Variants in CENPQ observed in about 807,000 individuals in gnomAD.
The protein encoded by CENPQ is chromosome 6 open reading frame 139.
CENPQ carries 27 observed loss-of-function variants against 36.6 expected under a neutral mutation model. That is an observed-to-expected ratio of 0.74 (90% confidence interval 0.54 to 1.02). The LOEUF (loss-of-function observed/expected upper bound fraction) is 1.02, where lower values mean the gene tolerates loss of function less well. CENPQ is among the 50% of genes least tolerant of loss of function. The probability of loss-of-function intolerance (pLI) is 0.00; values close to 1 mark genes in which losing one functional copy is unlikely to be tolerated. For missense variants in CENPQ, 306 were observed against 301.8 expected, an observed-to-expected ratio of 1.01 and a Z score of -0.10; for synonymous variants, 101 against 101.7, an observed-to-expected ratio of 0.99 and a Z score of 0.04.
chr6:49,491,814 C>T (rs1443018709), intron 8 of CENPQ, among the ~76,000 whole-genome samples: 2 of 152,122 alleles, frequency 1.3e-5, no homozygotes, highest in Non-Finnish European at 2.9e-5. Context: ...ATTCGGGAGG[C>T]TGAGGCAGGA....
intron 1 of CENPQ, 53 bp downstream of exon 1, chr6:49,463,506 T>C (rs1767918410): frequency 6.6e-6 from 1 of 151,706 alleles, no homozygotes; most frequent in South Asian, 2.1e-4. Context: ...CAGGGATGAG[T>C]TTTAAAGCCA....
At chr6:49,488,220 C>T in intron 6 of CENPQ, 132 bp from the exon 7 acceptor site, 2 of 623,474 alleles carry the variant, frequency 3.2e-6, no homozygotes, top group Non-Finnish European at 5.1e-6. Context: ...AAAGTAAATT[C>T]ACCAGTTGCT....
At chr6:49,489,019 G>T (rs978367918) in intron 8 of CENPQ, among the ~76,000 whole-genome samples, 2 of 152,154 alleles carry the variant, frequency 1.3e-5, no homozygotes, top group African/African-American at 4.8e-5. Context: ...GACTGATAGC[G>T]TGGTGATTAC....
Position 49,480,987 on chromosome 6 carries a change from C to G in CENPQ, c.384C>G (p.Pro128=). Residue 128 remains proline, a synonymous_variant, in exon 6 of 9, where the codon CCC becomes CCG. Transcript: ENST00000335783. ...LQQCETLKVP[P]KKMEDLTNVS... is the part of the protein sequence containing the mutation. The stretch of plus-strand genomic sequence containing the variant: ...AGTGTGAAACTCTGAAAGTCCCTCC[C>G]AAAAAGATGGAAGATTTAACTAATG... 2 of 1,607,238 alleles carry G rather than the reference C, an allele frequency of 1.2e-6. No individual in the cohort carries two copies. Among genetic ancestry groups the G allele is most frequent in the Non-Finnish European group, 1.7e-6 (2 of 1,176,250 alleles).
intron 5 of CENPQ, among the ~76,000 whole-genome samples, chr6:49,475,189 A>C (rs1768254313): frequency 6.6e-6 from 1 of 152,212 alleles, no homozygotes; most frequent in Non-Finnish European, 1.5e-5. Context: ...TCAATAAAAT[A>C]CTGGCAAACC....
chr6:49,479,931 A>G (rs956425128), intron 5 of CENPQ, among the ~76,000 whole-genome samples: 1 of 152,158 alleles, frequency 6.6e-6, no homozygotes, highest in African/African-American at 2.4e-5. Context: ...ATATATGGAC[A>G]CAAAGAAGGG....
At chr6:49,464,243 A>T (rs1006418049) in intron 1 of CENPQ, among the ~76,000 whole-genome samples, 1 of 152,124 alleles carries the variant, frequency 6.6e-6, no homozygotes, top group African/African-American at 2.4e-5. Context: ...ATTGTAACCT[A>T]TTAAGTGTGC....
intron 6 of CENPQ, among the ~76,000 whole-genome samples, chr6:49,482,259 A>G (rs888704747): frequency 1.3e-5 from 2 of 152,162 alleles, no homozygotes; most frequent in Admixed American, 1.3e-4. Context: ...CCAGCCCAGA[A>G]AGGGGCTCCC....
intron 6 of CENPQ, 135 bp downstream of exon 6, chr6:49,481,215 T>A: frequency 1.3e-6 from 1 of 773,848 alleles, no homozygotes; most frequent in Non-Finnish European, 1.9e-6. Flanking sequence ...TTAAATTGTT[T>A]TTTTGTTGTT....
Position 49,488,528 on chromosome 6 carries a change from A to T in CENPQ, c.597+57A>T. 3 of 1,594,706 alleles carry T rather than the reference A, an allele frequency of 1.9e-6. No homozygotes were observed. The South Asian group carries it at 3.3e-5, about 18-fold the overall frequency. On this transcript the variant is annotated intron_variant, in intron 7 of 8. Coordinates refer to ENST00000335783, the MANE Select transcript of CENPQ (RefSeq NM_018132.4). Reference sequence around the variant, plus strand: ...GGATATAATTTTTAATGGTTAAATTATGCAAAGATAACTTTCGAGTATAAT... The same window carrying T: ...GGATATAATTTTTAATGGTTAAATTTTGCAAAGATAACTTTCGAGTATAAT...
intron 6 of CENPQ, among the ~76,000 whole-genome samples, chr6:49,485,820 G>A (rs559881961): frequency 1.3e-5 from 2 of 151,368 alleles, no homozygotes; most frequent in Non-Finnish European, 2.9e-5. Flanking sequence ...AAACCTCAAA[G>A]AAGATACCAT....
At chr6:49,471,592 C>T (rs914446038) in intron 3 of CENPQ, among the ~76,000 whole-genome samples, 2 of 152,128 alleles carry the variant, frequency 1.3e-5, no homozygotes, top group African/African-American at 2.4e-5. Flanking sequence ...CTCCAACACT[C>T]ATTTTCATGA....
chr6:49,491,536 A>G (rs889670334), intron 8 of CENPQ, among the ~76,000 whole-genome samples: 1 of 152,170 alleles, frequency 6.6e-6, no homozygotes, highest in Non-Finnish European at 1.5e-5. Flanking sequence ...GTAGTAAACT[A>G]TTTCTTCCAA....
At chr6:49,476,229 G>T (rs370582653) in intron 5 of CENPQ, among the ~76,000 whole-genome samples, 108 of 152,112 alleles carry the variant, frequency 7.1e-4, no homozygotes, top group African/African-American at 2.3e-3. Context: ...AACAGAGATA[G>T]AGACCAATGG....
intron 2 of CENPQ, 21 bp from the exon 3 acceptor site, chr6:49,470,953 T>G: frequency 7.1e-7 from 1 of 1,404,558 alleles, no homozygotes; most frequent in Non-Finnish European, 9.6e-7. Context: ...TTTATGTTTA[T>G]GCATGTGTTT....
chr6:49,490,791 G>A (rs993516750), intron 8 of CENPQ, among the ~76,000 whole-genome samples: 1 of 152,186 alleles, frequency 6.6e-6, no homozygotes, highest in African/African-American at 2.4e-5. Context: ...CAAGGAGAGG[G>A]AGAGAAACTG....
chr6:49,477,351 A>G (rs1021085215), intron 5 of CENPQ, among the ~76,000 whole-genome samples: 3 of 146,390 alleles, frequency 2.0e-5, no homozygotes, highest in Non-Finnish European at 3.0e-5. Flanking sequence ...ATTCTCACTC[A>G]TAGGTGTGAA....
At chr6:49,480,605 G>A (rs977410942) in intron 5 of CENPQ, among the ~76,000 whole-genome samples, 7 of 150,502 alleles carry the variant, frequency 4.7e-5, no homozygotes, top group Non-Finnish European at 9.0e-5. Context: ...AATTCACAAT[G>A]TATAATAGAC....
intron 5 of CENPQ, among the ~76,000 whole-genome samples, chr6:49,475,661 A>G (rs1170152439): frequency 6.6e-6 from 1 of 152,214 alleles, no homozygotes. Flanking sequence ...ACATGATTGT[A>G]TATCTAGAAA....
Sources: allele counts gnomAD v4.1 joint callset (sites outside exome capture counted in the v4.1 genomes callset), GRCh38; gene constraint gnomAD v4.1.1; transcripts MANE v1.5; gene names NCBI Gene and HGNC (gene_info 2026-07-23, HGNC 2026-07-21).